LRRC63: variants seen among roughly 807,000 people sequenced by gnomAD.
LRRC63 encodes the protein leucine-rich repeat-containing protein 63.
LRRC63 carries 40 observed loss-of-function variants against 49.5 expected under a neutral mutation model. That is an observed-to-expected ratio of 0.81 (90% CI 0.63 to 1.05). The LOEUF (loss-of-function observed/expected upper bound fraction) is 1.05. Ranked by LOEUF, LRRC63 falls within the 50% of genes least tolerant of loss-of-function variation. The pLI is 0.00. For synonymous variants in LRRC63, 191 were observed against 221.1 expected, an observed-to-expected ratio of 0.86 and a Z score of 1.21; for missense variants, 636 against 663.1, an observed-to-expected ratio of 0.96 and a Z score of 0.45.
At chr13:46,246,162 C>T (rs1333189870) in intron 5 of LRRC63, among the ~76,000 whole-genome samples, 5 of 152,136 alleles carry the variant, frequency 3.3e-5, no homozygotes, top group East Asian at 1.9e-4. Context: ...CTGCTATGAT[C>T]GTAAGTTTCC....
At chr13:46,243,832 A>G (rs1337163664) in intron 5 of LRRC63, among the ~76,000 whole-genome samples, 2 of 152,326 alleles carry the variant, frequency 1.3e-5, no homozygotes, top group Middle Eastern at 3.4e-3. Context: ...CTGCCTTAAG[A>G]CTGTGTTTCT....
chr13:46,248,882 A>G (rs1282483943), intron 6 of LRRC63, among the ~76,000 whole-genome samples: 1 of 148,368 alleles, frequency 6.7e-6, no homozygotes, highest in Admixed American at 6.8e-5. Flanking sequence ...GATAAATCAT[A>G]TGTTAGGCTA....
intron 2 of LRRC63, among the ~76,000 whole-genome samples, chr13:46,220,449 C>G (rs2046371972): frequency 2.0e-5 from 3 of 152,084 alleles, no homozygotes; most frequent in Admixed American, 2.0e-4. Context: ...TGGCAGACGC[C>G]CCTCCCCCAC....
intron 2 of LRRC63, among the ~76,000 whole-genome samples, chr13:46,222,362 C>T (rs913147639): frequency 8.5e-5 from 13 of 152,092 alleles, no homozygotes; most frequent in Non-Finnish European, 1.9e-4. Flanking sequence ...AGAGTTTTAC[C>T]TAGGTCTTCT....
intron 8 of LRRC63, among the ~76,000 whole-genome samples, chr13:46,262,402 G>A (rs2047627928): frequency 6.6e-6 from 1 of 152,142 alleles, no homozygotes; most frequent in Admixed American, 6.5e-5. Flanking sequence ...TTCTAGGTCA[G>A]TACTATACTG....
chr13:46,216,459 A>G (rs1436683507), intron 2 of LRRC63, among the ~76,000 whole-genome samples: 1 of 152,222 alleles, frequency 6.6e-6, no homozygotes, highest in African/African-American at 2.4e-5. Flanking sequence ...ATTTTTACAC[A>G]TTGATTTTGT....
intron 2 of LRRC63, among the ~76,000 whole-genome samples, chr13:46,224,694 C>A (rs9534360): frequency 0.27 from 41,489 of 152,038 alleles, 5,889 homozygotes; most frequent in East Asian, 0.37. Context: ...ACAGTTGCAT[C>A]TTCCTATTTT....
intron 7 of LRRC63, among the ~76,000 whole-genome samples, chr13:46,255,182 GTTATTGTGC>G (rs2047478604): frequency 1.3e-5 from 2 of 152,102 alleles, no homozygotes; most frequent in Admixed American, 1.3e-4. Context: ...TAAACATTGT[GTTATTGTGC>G]TTATATAAGG....
In LRRC63 at chr13:46,253,299, A is replaced by G. The variant is rs191074895; in HGVS notation, c.1226+2808A>G. On this transcript the variant is annotated intron_variant, in intron 7 of 9. Transcript: ENST00000595396. ...TGTAAAATGTATTTATTGAGTATTT[A>G]CTAAATACTGGGCTCTGTCCTAAGC... Among the ~76,000 whole-genome samples the G allele has an allele frequency of 5.3e-4, 81 of 152,146 alleles. 1 individual carries two copies. In the East Asian group the frequency reaches 6.2e-3, roughly 12 times the overall value.
chr13:46,256,646 G>C (rs1158676950), intron 7 of LRRC63, among the ~76,000 whole-genome samples: 2 of 152,122 alleles, frequency 1.3e-5, no homozygotes, highest in Non-Finnish European at 2.9e-5. Context: ...CAGATAACTT[G>C]TTTCTTTAAT....
At chr13:46,255,027 A>T (rs568886923) in intron 7 of LRRC63, among the ~76,000 whole-genome samples, 2 of 152,346 alleles carry the variant, frequency 1.3e-5, no homozygotes, top group Admixed American at 1.3e-4. Context: ...CCATTAACAG[A>T]TTAATTAATG....
chr13:46,257,400 T>C (rs1326285273), intron 7 of LRRC63, among the ~76,000 whole-genome samples: 1 of 152,220 alleles, frequency 6.6e-6, no homozygotes, highest in African/African-American at 2.4e-5. Context: ...ATCTGAGTTG[T>C]TGTACGCCAC....
chr13:46,230,964 T>C (rs933954052), intron 4 of LRRC63, among the ~76,000 whole-genome samples: 2 of 152,200 alleles, frequency 1.3e-5, no homozygotes, highest in Non-Finnish European at 2.9e-5. Context: ...CATTAGGACA[T>C]GAATAGAATT....
At chr13:46,276,828 GTATATA>G (rs375853565) in exon 10 of LRRC63, 24 of 140,032 alleles carry the variant, frequency 1.7e-4, no homozygotes, top group Non-Finnish European at 2.2e-4. Flanking sequence ...GTATGTGTGT[GTATATA>G]TATATATATA....
rs113238853 is a variant in LRRC63, at chr13:46,275,366, C to A, written c.1551-1224C>A. On this transcript the variant is annotated intron_variant, in intron 9 of 9. Coordinates refer to ENST00000595396, the Ensembl canonical transcript of LRRC63. ...ATGAGATTGCTGGATAGTATGATAG[C>A]CTTATTTTTAGTTTTTTGAGAAACC... is the stretch of plus-strand genomic sequence containing the variant. Among the ~76,000 whole-genome samples, 543 of 152,200 alleles carry A rather than the reference C, an allele frequency of 3.6e-3. 6 individuals are homozygous for A. Among genetic ancestry groups the A allele is most frequent in the African/African-American group, 0.012 (514 of 41,532 alleles).
At chr13:46,262,259 G>T (rs192015234) in intron 8 of LRRC63, among the ~76,000 whole-genome samples, 111 of 152,200 alleles carry the variant, frequency 7.3e-4, no homozygotes, top group African/African-American at 2.5e-3. Flanking sequence ...TGTACCTGTG[G>T]CTCTTATTAT....
chr13:46,264,524 A>G (rs1476483959), intron 8 of LRRC63, among the ~76,000 whole-genome samples: 1 of 151,896 alleles, frequency 6.6e-6, no homozygotes, highest in East Asian at 1.9e-4. Flanking sequence ...TTCTTCTTTC[A>G]TTCATCCACT....
At chr13:46,254,565 GATTT>G (rs1331323555) in intron 7 of LRRC63, among the ~76,000 whole-genome samples, 1 of 152,138 alleles carries the variant, frequency 6.6e-6, no homozygotes, top group Admixed American at 6.6e-5. Flanking sequence ...AGTCAACAAA[GATTT>G]ATTTAGCTCC....
At chr13:46,276,830 A>G (rs571635196) in exon 10 of LRRC63, 1,677 of 113,884 alleles carry the variant, frequency 0.015, 21 homozygotes, top group African/African-American at 0.048. Flanking sequence ...ATGTGTGTGT[A>G]TATATATATA....
Sources: gnomAD v4.1 joint callset for allele counts (sites outside exome capture counted in the v4.1 genomes callset) on GRCh38, gnomAD v4.1.1 for gene constraint, MANE v1.5 for transcripts, NCBI Gene and HGNC (gene_info 2026-07-23, HGNC 2026-07-21) for gene names.